Variants in ERBB4 observed in about 807,000 individuals in gnomAD.
ERBB4 encodes erb-b2 receptor tyrosine kinase 4.
In ERBB4, 42 loss-of-function variants were observed where a neutral mutation model predicts 158.0. The observed-to-expected ratio is 0.27, with a 90% CI of 0.21 to 0.34. The LOEUF is 0.34. ERBB4 is among the 10% of genes least tolerant of loss of function. The probability of loss-of-function intolerance (pLI) is 1.00; values close to 1 mark genes in which losing one functional copy is unlikely to be tolerated. For missense variants in ERBB4, 1,333 were observed against 1,624.1 expected (o/e 0.82, Z 3.08); for synonymous variants, 583 against 558.7 (o/e 1.04, Z -0.61).
At chr2:212,356,515 A>G (rs974464612) in intron 1 of ERBB4, among the ~76,000 whole-genome samples, 41 of 152,004 alleles carry the variant, frequency 2.7e-4, no homozygotes, top group Admixed American at 3.3e-4. Context: ...AAAAGTAAGT[A>G]TCAAAAATAC....
At chr2:212,216,055 T>C (rs1044178680) in intron 1 of ERBB4, among the ~76,000 whole-genome samples, 1 of 151,396 alleles carries the variant, frequency 6.6e-6, no homozygotes, top group Non-Finnish European at 1.5e-5. Flanking sequence ...AAAAAAAGAT[T>C]TGCGCCGGTG....
chr2:212,412,927 G>T (rs2091538680), intron 1 of ERBB4, among the ~76,000 whole-genome samples: 1 of 151,896 alleles, frequency 6.6e-6, no homozygotes. Context: ...CCTCTGTATT[G>T]GTTTGTGATA....
intron 20 of ERBB4, among the ~76,000 whole-genome samples, chr2:211,495,951 T>C (rs1002821460): frequency 2.3e-4 from 35 of 152,164 alleles, no homozygotes; most frequent in African/African-American, 8.4e-4. Context: ...ATTTCTATGA[T>C]CAAAAATAAT....
intron 1 of ERBB4, among the ~76,000 whole-genome samples, chr2:212,288,441 C>G (rs1044381669): frequency 6.6e-6 from 1 of 152,068 alleles, no homozygotes; most frequent in Non-Finnish European, 1.5e-5. Flanking sequence ...AAAAAGGGCT[C>G]CCTGGCAGAA....
intron 20 of ERBB4, among the ~76,000 whole-genome samples, chr2:211,546,876 G>T (rs2125694125): frequency 6.6e-6 from 1 of 152,152 alleles, no homozygotes; most frequent in South Asian, 2.1e-4. Context: ...TTAAAAATAA[G>T]TCATTATTAC....
chr2:212,317,858 A>C (rs72947355), intron 1 of ERBB4, among the ~76,000 whole-genome samples: 38,799 of 151,452 alleles, frequency 0.26, 5,408 homozygotes, highest in South Asian at 0.35. Context: ...AAATAAATTA[A>C]CCTATGGAAA....
At chr2:211,845,348 G>T (rs1483205745) in intron 3 of ERBB4, among the ~76,000 whole-genome samples, 2 of 151,724 alleles carry the variant, frequency 1.3e-5, no homozygotes, top group African/African-American at 4.8e-5. Context: ...GAACTTCTTT[G>T]TTCAGTAAAG....
chr2:212,057,339 T>C (rs1408766229), intron 2 of ERBB4, among the ~76,000 whole-genome samples: 1 of 152,182 alleles, frequency 6.6e-6, no homozygotes, highest in Non-Finnish European at 1.5e-5. Context: ...TGGGAGACTT[T>C]AACACCGCAC....
rs1250731034 is a variant in ERBB4, at chr2:212,196,608, T to C, written c.83-71705A>G. On this transcript the variant is annotated intron_variant, in intron 1 of 27. Coordinates refer to ENST00000342788, the MANE Select transcript of ERBB4 (RefSeq NM_005235.3). ...CTAAATGATGCAATATAATTATATATTGTACAGGAGGTAAGGAAAGAAGCA... is the reference window on the plus strand; with the variant it reads ...CTAAATGATGCAATATAATTATATACTGTACAGGAGGTAAGGAAAGAAGCA... Among the ~76,000 whole-genome samples, 3 of 152,106 alleles carry C rather than the reference T, an allele frequency of 2.0e-5. No homozygotes were observed. The East Asian group carries it at 5.8e-4, about 29-fold the overall frequency.
At chr2:212,396,429 G>A (rs1283517208) in intron 1 of ERBB4, among the ~76,000 whole-genome samples, 1 of 152,146 alleles carries the variant, frequency 6.6e-6, no homozygotes, top group African/African-American at 2.4e-5. Flanking sequence ...TCTGGCCAGA[G>A]CAAGATACCA....
chr2:212,306,602 T>C (rs1457738756), intron 1 of ERBB4, among the ~76,000 whole-genome samples: 1 of 151,468 alleles, frequency 6.6e-6, no homozygotes, highest in Admixed American at 6.6e-5. Context: ...CAAATTCACA[T>C]TTCTTCCTTA....
chr2:212,029,408 C>T (rs2076849412), intron 2 of ERBB4, among the ~76,000 whole-genome samples: 1 of 152,134 alleles, frequency 6.6e-6, no homozygotes, highest in Non-Finnish European at 1.5e-5. Context: ...ATCATACTAG[C>T]AGCCTTCTAC....
At chr2:211,822,253 GT>G (rs932716951) in intron 3 of ERBB4, among the ~76,000 whole-genome samples, 1 of 151,750 alleles carries the variant, frequency 6.6e-6, no homozygotes, top group Non-Finnish European at 1.5e-5. Flanking sequence ...GATAACTATG[GT>G]TAATAATAAT....
intron 1 of ERBB4, among the ~76,000 whole-genome samples, chr2:212,250,168 T>G (rs550621505): frequency 2.6e-5 from 4 of 152,130 alleles, no homozygotes; most frequent in African/African-American, 9.6e-5. Context: ...TCAGCTGTAA[T>G]GTCTCTAAGC....
chr2:211,847,248 A>G (rs2077612107), intron 3 of ERBB4, among the ~76,000 whole-genome samples: 1 of 148,464 alleles, frequency 6.7e-6, no homozygotes. Context: ...TTCAATTCCA[A>G]TGTTTCCACA....
At chr2:211,719,600 A>G (rs1240294285) in intron 7 of ERBB4, among the ~76,000 whole-genome samples, 1 of 152,108 alleles carries the variant, frequency 6.6e-6, no homozygotes, top group East Asian at 1.9e-4. Context: ...TCACGTCTGT[A>G]ATCCCAGCAC....
intron 2 of ERBB4, among the ~76,000 whole-genome samples, chr2:212,046,615 A>G (rs1351795187): frequency 6.6e-6 from 1 of 152,166 alleles, no homozygotes; most frequent in Non-Finnish European, 1.5e-5. Context: ...GTACAGAAGG[A>G]TGTCTATTAC....
In ERBB4 at chr2:211,524,455, C is replaced by T. The variant is rs538146063; in HGVS notation, c.2487+37448G>A. On this transcript the variant is annotated intron_variant, in intron 20 of 27. Transcript: ENST00000342788. Reference sequence around the variant, plus strand: ...TGGTGCTCGTCGGGGAGGCTCGGGCCGCACAGGAGCCCATGGAGTGGGTGG... The same window carrying T: ...TGGTGCTCGTCGGGGAGGCTCGGGCTGCACAGGAGCCCATGGAGTGGGTGG... Among the ~76,000 whole-genome samples, 267 of 149,612 alleles carry T rather than the reference C, an allele frequency of 1.8e-3. 27 individuals carry two copies. The highest frequency in any genetic ancestry group is 6.5e-3 in the African/African-American group (254 of 39,108).
chr2:211,775,266 G>A (rs570839168), intron 4 of ERBB4, among the ~76,000 whole-genome samples: 1 of 152,266 alleles, frequency 6.6e-6, no homozygotes, highest in African/African-American at 2.4e-5. Context: ...CTGTTCTTGA[G>A]TAGCTCGTCT....
Sources: allele counts gnomAD v4.1 joint callset (sites outside exome capture counted in the v4.1 genomes callset), GRCh38; gene constraint gnomAD v4.1.1; transcripts MANE v1.5; gene names NCBI Gene and HGNC (gene_info 2026-07-23, HGNC 2026-07-21).